The following LTO1 variants were observed in gnomAD, a reference collection of about 807,000 sequenced individuals.
LTO1 encodes the protein LTO1 maturation factor of ABCE1, also known as protein LTO1 homolog.
A neutral mutation model predicts 19.8 loss-of-function variants in LTO1; 18 were observed. The ratio of observed to expected loss-of-function variants is 0.91; its 90% CI spans 0.63 to 1.35. The LOEUF is 1.35. Among genes scored for constraint, LTO1 ranks in the 40% most tolerant of loss-of-function variants. LTO1 has a pLI of 0.00. For missense variants in LTO1, 175 were observed against 167.9 expected (o/e 1.04, Z -0.23); for synonymous variants, 59 against 59.6 (o/e 0.99, Z 0.05).
intron 1 of LTO1, chr11:69,674,669 C>T (rs1856161971): frequency 9.3e-6 from 4 of 427,962 alleles, no homozygotes; most frequent in Middle Eastern, 3.5e-4. Context: ...TCTTAACTAA[C>T]ATCTATGGAC....
At chr11:69,674,751 G>C (rs1373822834) in intron 1 of LTO1, 1 of 459,986 alleles carries the variant, frequency 2.2e-6, no homozygotes, top group Non-Finnish European at 4.4e-6. Context: ...GCAGCACGAG[G>C]GGCTCCCCAG....
intron 2 of LTO1, chr11:69,672,368 T>G (rs115637327): frequency 0.016 from 2,637 of 161,636 alleles, 88 homozygotes; most frequent in African/African-American, 0.06. Flanking sequence ...CAGAAACATG[T>G]GAGATCATCC....
At chr11:69,671,719 G>A (rs776237091) in intron 3 of LTO1, 30 bp downstream of exon 3, 13 of 1,300,688 alleles carry the variant, frequency 1.0e-5, no homozygotes, top group South Asian at 3.5e-5. Flanking sequence ...TGGTTCCTAC[G>A]CTGAGAAAGA....
At chr11:69,668,672 TTTG>T (rs1442875822) in intron 3 of LTO1, among the ~76,000 whole-genome samples, 1 of 94,372 alleles carries the variant, frequency 1.1e-5, no homozygotes, top group Non-Finnish European at 2.5e-5. Context: ...TAATTTCTGT[TTTG>T]TTTTTTTTTT....
chr11:69,674,507 G>A, intron 1 of LTO1: 1 of 335,352 alleles, frequency 3.0e-6, no homozygotes, highest in Non-Finnish European at 5.9e-6. Flanking sequence ...AAGTGACTGT[G>A]CCTCCTAGTC....
chr11:69,675,176 G>T lies in LTO1; in HGVS notation c.50+14C>A. 6.3e-7 allele frequency: 1 copy of T among 1,587,076 alleles called. No homozygotes were observed. Among genetic ancestry groups the T allele is most frequent in the African/African-American group, 1.4e-5 (1 of 73,496 alleles). On this transcript the variant is annotated intron_variant, in intron 1 of 4. Transcript: ENST00000279147. Reference sequence around the variant, plus strand: ...CCAGACAGGGCGGGGTGCGGGCCCGGCCTCACCACCCACCTCTCATCCGCC... The same window carrying T: ...CCAGACAGGGCGGGGTGCGGGCCCGTCCTCACCACCCACCTCTCATCCGCC...
At position 69,667,875 on chromosome 11, in the gene LTO1, G is replaced by T. The variant is rs140852788; in HGVS notation, c.345+20C>A. On this transcript the variant is annotated intron_variant, in intron 4 of 4. Coordinates refer to ENST00000279147, the MANE Select transcript of LTO1 (RefSeq NM_153451.3). ...CGCAATCAGGTGCTCCTAGCAGGAG[G>T]AAACACACAGTGCACGCACCTGTTT... The T allele has an allele frequency of 8.7e-7, 1 of 1,145,908 alleles. No individual in the cohort carries two copies. Among genetic ancestry groups the T allele is most frequent in the African/African-American group, 1.5e-5 (1 of 66,012 alleles). The allele number at this position is 1,145,908 out of a possible 1,614,324, so 71.0% of individuals were successfully genotyped here. A position where few individuals can be genotyped will look rare whatever the true frequency, so the allele number is the denominator to read the frequency against.
intron 1 of LTO1, chr11:69,674,533 A>G (rs1038427817): frequency 5.7e-6 from 2 of 348,670 alleles, no homozygotes; most frequent in Non-Finnish European, 1.1e-5. Context: ...ATTCCGAAGA[A>G]TAATAGGATC....
intron 1 of LTO1, 114 bp from the exon 2 acceptor site, chr11:69,673,435 G>T: frequency 2.9e-6 from 2 of 689,046 alleles, no homozygotes; most frequent in Non-Finnish European, 2.6e-6. Context: ...AGTAAAGGAG[G>T]AAAAGCCTAA....
In LTO1 at chr11:69,665,671, G is replaced by A. The variant is rs534199195; in HGVS notation, c.*1848C>T. On this transcript the variant is annotated 3_prime_UTR_variant, in exon 5 of 5. Coordinates refer to ENST00000279147, the MANE Select transcript of LTO1 (RefSeq NM_153451.3). ...AATCCACCAAGGGAAACACAGCAAA[G>A]GCCCCTGATCCCACCATCTAGAAAG... 2.0e-5 allele frequency: 3 copies of A among 152,236 alleles called. No homozygotes were observed. In the South Asian group the frequency reaches 6.2e-4, roughly 32 times the overall value. 9.4% of individuals were successfully genotyped at this position (152,236 alleles called of 1,614,324 possible).
At chr11:69,673,498 G>A in intron 1 of LTO1, 177 bp from the exon 2 acceptor site, 1 of 581,276 alleles carries the variant, frequency 1.7e-6, no homozygotes, top group Non-Finnish European at 3.1e-6. Context: ...CTTCCTATTT[G>A]CCTCTGGAAG....
chr11:69,671,826 A>C lies in LTO1; in HGVS notation c.157-7T>G. On this transcript the variant is annotated splice_polypyrimidine_tract_variant and splice_region_variant and intron_variant, in intron 2 of 4. Transcript: ENST00000279147. ...AACCTTGGTAGCACCCGATCTGTGA[A>C]TGTGAAAAATATTTAAGAGTGAAAT... 3 of 1,543,674 alleles carry C rather than the reference A, an allele frequency of 1.9e-6. No individual in the cohort carries two copies. The highest frequency in any genetic ancestry group is 2.7e-6 in the Non-Finnish European group (3 of 1,115,790).
At position 69,675,288 on chromosome 11, in the gene LTO1, T is replaced by C. The variant is rs1233171526; in HGVS notation, c.-49A>G. 4 of 1,414,904 alleles carry C rather than the reference T, an allele frequency of 2.8e-6. No homozygotes were observed. The highest frequency in any genetic ancestry group is 3.8e-6 in the Non-Finnish European group (4 of 1,065,592). The allele number at this position is 1,414,904 out of a possible 1,614,324, so 87.6% of individuals were successfully genotyped here. ...CCCCCGGGTTTCTGCAGCCCCGCGGTGCCGTAGCAGACCCGGCAGCTTCAG... is the reference window on the plus strand; with the variant it reads ...CCCCCGGGTTTCTGCAGCCCCGCGGCGCCGTAGCAGACCCGGCAGCTTCAG... On this transcript the variant is annotated 5_prime_UTR_variant, in exon 1 of 5. Coordinates refer to ENST00000279147, the MANE Select transcript of LTO1 (RefSeq NM_153451.3).
At position 69,666,314 on chromosome 11, in the gene LTO1, C is replaced by T. The variant is rs1318832135; in HGVS notation, c.*1205G>A. 2.6e-5 allele frequency: 4 copies of T among 151,944 alleles called. No individual in the cohort carries two copies. 9.4% of individuals were successfully genotyped at this position (151,944 alleles called of 1,614,324 possible). A position where few individuals can be genotyped will look rare whatever the true frequency, so the allele number is the denominator to read the frequency against. On this transcript the variant is annotated 3_prime_UTR_variant, in exon 5 of 5. Coordinates refer to ENST00000279147, the MANE Select transcript of LTO1 (RefSeq NM_153451.3). ...AATGGTTTTAAAACCAAAGTGGATT[C>T]ATGGCGACCCCTTAATAATCTCCTG...
intron 1 of LTO1, among the ~76,000 whole-genome samples, chr11:69,673,961 C>T (rs1357269403): frequency 6.6e-6 from 1 of 152,150 alleles, no homozygotes; most frequent in Non-Finnish European, 1.5e-5. Context: ...GGTTCACGCT[C>T]TCCTGCCTCA....
chr11:69,667,076 G>A lies in LTO1; in HGVS notation c.*443C>T, dbSNP rs914797897. ...GTCCCGCACCGCCTGGCACACAATC[G>A]GCCTCGACATGCGGCACAGCACCCG... On this transcript the variant is annotated 3_prime_UTR_variant, in exon 5 of 5. Coordinates refer to ENST00000279147, the MANE Select transcript of LTO1 (RefSeq NM_153451.3). 1.9e-5 allele frequency: 3 copies of A among 161,912 alleles called. No homozygotes were observed. The highest frequency in any genetic ancestry group is 4.8e-5 in the African/African-American group (2 of 41,670). 10.0% of individuals were successfully genotyped at this position (161,912 alleles called of 1,614,324 possible).
At chr11:69,670,451 A>T (rs114826791) in intron 3 of LTO1, among the ~76,000 whole-genome samples, 2,500 of 152,280 alleles carry the variant, frequency 0.016, 63 homozygotes, top group African/African-American at 0.055. Flanking sequence ...TTCCCCTGGG[A>T]TCCCCAGCTG....
chr11:69,674,157 A>T (rs1856153789), intron 1 of LTO1, among the ~76,000 whole-genome samples: 1 of 152,118 alleles, frequency 6.6e-6, no homozygotes, highest in South Asian at 2.1e-4. Context: ...CTGGCCCGGA[A>T]TCTACTTTTC....
Position 69,670,287 on chromosome 11 carries a change from G to A in LTO1, c.227+1462C>T, listed in dbSNP as rs536267963. Among the ~76,000 whole-genome samples the A allele has an allele frequency of 6.1e-4, 93 of 152,348 alleles. 3 individuals are homozygous for A. The highest frequency in any genetic ancestry group is 2.0e-3 in the Admixed American group (31 of 15,302). On this transcript the variant is annotated intron_variant, in intron 3 of 4. Coordinates refer to ENST00000279147, the MANE Select transcript of LTO1 (RefSeq NM_153451.3). ...TGGGATGGGACCACTGGCACACAGC[G>A]GAGCACTTCTCCAGGAGCCGGCAGA...
Sources: gnomAD v4.1 joint callset for allele counts (sites outside exome capture counted in the v4.1 genomes callset) on GRCh38, gnomAD v4.1.1 for gene constraint, MANE v1.5 for transcripts, NCBI Gene and HGNC (gene_info 2026-07-23, HGNC 2026-07-21) for gene names.